LMO3: variants seen among roughly 807,000 people sequenced by gnomAD.
The protein encoded by LMO3 is LIM domain only protein 3.
Under a neutral mutation model 15.8 loss-of-function variants are expected in LMO3, and 2 were observed. That is an observed-to-expected ratio of 0.13 (90% CI 0.05 to 0.40). The LOEUF is 0.40. Among genes scored for constraint, LMO3 ranks in the 10% least tolerant of loss-of-function variants. LMO3 has a pLI of 0.99. For synonymous variants in LMO3, 62 were observed against 63.8 expected (o/e 0.97, Z 0.13); for missense variants, 86 against 182.2 (o/e 0.47, Z 3.04).
chr12:16,578,909 C>A (rs11834084), intron 2 of LMO3, among the ~76,000 whole-genome samples: 8,483 of 152,036 alleles, frequency 0.056, 796 homozygotes, highest in African/African-American at 0.19. Flanking sequence ...ATTCATGGTT[C>A]TATACTTAAC....
At chr12:16,594,165 CAAT>C in intron 2 of LMO3, 1 of 1,532,616 alleles carries the variant, frequency 6.5e-7, no homozygotes, top group South Asian at 1.2e-5. Context: ...TGGCTAAAGT[CAAT>C]GATGACAAAA....
rs1380244896 is a variant in LMO3, at chr12:16,582,246, T to A, written c.206+18409A>T. On this transcript the variant is annotated intron_variant, in intron 2 of 3. Coordinates refer to ENST00000537304, the MANE Select transcript of LMO3 (RefSeq NM_018640.5). This position sits in a 1 kb window ranked among gnomAD's most constrained non-coding sequence, Gnocchi z 4.1. ...GTACAGACTGCCATAACTATGGTGT[T>A]TCTTCCTCCAGTTTGATAATACAAT... Among the ~76,000 whole-genome samples the A allele has an allele frequency of 6.6e-6, 1 of 152,220 alleles. No homozygotes were observed. Among genetic ancestry groups the A allele is most frequent in the East Asian group, 1.9e-4 (1 of 5,194 alleles).
intron 2 of LMO3, among the ~76,000 whole-genome samples, chr12:16,572,474 C>T (rs1194849098): frequency 6.7e-6 from 1 of 148,702 alleles, no homozygotes; most frequent in Middle Eastern, 3.6e-3. Context: ...ATTGGGTCAC[C>T]TTTAGGACTT....
rs1241487359 is a variant in LMO3, at chr12:16,576,243, G to C, written c.207-15705C>G. On this transcript the variant is annotated intron_variant, in intron 2 of 3. Coordinates refer to ENST00000537304, the MANE Select transcript of LMO3 (RefSeq NM_018640.5). This position sits in a 1 kb window ranked among gnomAD's most constrained non-coding sequence, Gnocchi z 4.1. ...TATAACCTTCCATAGCTCCCCTACTGTATGCAGGATAGATGCAGGGAAGCA... is the reference window on the plus strand; with the variant it reads ...TATAACCTTCCATAGCTCCCCTACTCTATGCAGGATAGATGCAGGGAAGCA... Among the ~76,000 whole-genome samples the C allele has an allele frequency of 6.6e-6, 1 of 152,028 alleles. No homozygotes were observed. Among genetic ancestry groups the C allele is most frequent in the African/African-American group, 2.4e-5 (1 of 41,380 alleles).
chr12:16,551,433 A>G, intron 3 of LMO3, 106 bp from the exon 4 acceptor site: 1 of 688,782 alleles, frequency 1.5e-6, no homozygotes, highest in Middle Eastern at 3.0e-4. Flanking sequence ...AATTCCCTGA[A>G]TCTGAAAACC....
rs1442270754 is a variant in LMO3, at chr12:16,576,198, T to A, written c.207-15660A>T. Reference sequence around the variant, plus strand: ...GCCGGTAGCCTTTCTATAACACAGCTCCAACCCATTGATCCTGCTTATAAC... The same window carrying A: ...GCCGGTAGCCTTTCTATAACACAGCACCAACCCATTGATCCTGCTTATAAC... On this transcript the variant is annotated intron_variant, in intron 2 of 3. Transcript: ENST00000537304. This position sits in a 1 kb window ranked among gnomAD's most constrained non-coding sequence, Gnocchi z 4.1. Among the ~76,000 whole-genome samples the A allele has an allele frequency of 2.0e-5, 3 of 152,156 alleles. No homozygotes were observed. The highest frequency in any genetic ancestry group is 4.4e-5 in the Non-Finnish European group (3 of 68,032).
rs1220605450 is a variant in LMO3 at position 16,566,038 on chromosome 12, A to ATG, written c.207-5501_207-5500insCA. 6.3e-4 allele frequency among the ~76,000 whole-genome samples: 57 copies of ATG among 90,520 alleles called. 9 individuals carry two copies. The highest frequency in any genetic ancestry group is 1.7e-3 in the South Asian group (4 of 2,324). 59.4% of individuals were successfully genotyped at this position (90,520 alleles called of 152,430 possible). On this transcript the variant is annotated intron_variant, in intron 2 of 3. Transcript: ENST00000537304. Reference sequence around the variant, plus strand: ...TATATATATATATATATATATATATATAAAATGGAGTACTATTCAGCCATA... The same window carrying ATG: ...TATATATATATATATATATATATATATGTAAAATGGAGTACTATTCAGCCATA...
chr12:16,552,913 G>A (rs1055493687), intron 3 of LMO3, among the ~76,000 whole-genome samples: 12 of 151,294 alleles, frequency 7.9e-5, no homozygotes, highest in Non-Finnish European at 1.2e-4. Flanking sequence ...AGGCAGAGAG[G>A]TATACTGCAA....
At chr12:16,606,173 A>G (rs1943992734), upstream of LMO3, 1 of 231,924 alleles carries the variant, frequency 4.3e-6, no homozygotes, top group Admixed American at 5.5e-5. Flanking sequence ...GAAAAAAAAA[A>G]AAAAGACGGG....
chr12:16,577,471 T>A (rs1318323127), intron 2 of LMO3, among the ~76,000 whole-genome samples: 1 of 152,164 alleles, frequency 6.6e-6, no homozygotes, highest in African/African-American at 2.4e-5. Flanking sequence ...TTCCTAAATA[T>A]ATTATTCTAC....
chr12:16,552,770 G>A (rs1009450633), intron 3 of LMO3, among the ~76,000 whole-genome samples: 2 of 152,028 alleles, frequency 1.3e-5, no homozygotes, highest in African/African-American at 4.8e-5. Context: ...TGGATACAAT[G>A]AACATTCAAG....
intron 2 of LMO3, among the ~76,000 whole-genome samples, chr12:16,566,037 T>TAA (rs1942596973): frequency 1.2e-5 from 1 of 86,166 alleles, no homozygotes; most frequent in Non-Finnish European, 2.3e-5. Flanking sequence ...TATATATATA[T>TAA]ATAAAATGGA....
rs1394935989 is a variant in LMO3 at position 16,560,828 on chromosome 12, C to G, written c.207-290G>C. On this transcript the variant is annotated intron_variant, in intron 2 of 3. Transcript: ENST00000537304. This position sits in a 1 kb window ranked among gnomAD's most constrained non-coding sequence, Gnocchi z 5.0. ...GAAGTCAATGGGGGTGAATTCATAGCAAAAATCTCTGGGTTAGAGTATATA... is the reference window on the plus strand; with the variant it reads ...GAAGTCAATGGGGGTGAATTCATAGGAAAAATCTCTGGGTTAGAGTATATA... 4 of 425,058 alleles carry G rather than the reference C, an allele frequency of 9.4e-6. No individual in the cohort carries two copies. The highest frequency in any genetic ancestry group is 8.3e-5 in the African/African-American group (4 of 48,316). 26.3% of individuals were successfully genotyped at this position (425,058 alleles called of 1,614,324 possible).
chr12:16,577,832 C>CA, intron 2 of LMO3, among the ~76,000 whole-genome samples: 1 of 152,168 alleles, frequency 6.6e-6, no homozygotes, highest in Non-Finnish European at 1.5e-5. Flanking sequence ...AACAGGGCCA[C>CA]AGTTCTTTCT....
intron 2 of LMO3, chr12:16,600,451 A>T (rs1204132557): frequency 5.2e-6 from 3 of 574,180 alleles, no homozygotes; most frequent in Non-Finnish European, 9.3e-6. Context: ...AAATTGAAAT[A>T]CTTTAAATAT....
chr12:16,561,465 G>A (rs759672414), intron 2 of LMO3, among the ~76,000 whole-genome samples: 1 of 151,920 alleles, frequency 6.6e-6, no homozygotes, highest in African/African-American at 2.4e-5. Context: ...CCAGTGTCAG[G>A]CTGACAGGAG....
chr12:16,583,182 T>C (rs550226564), intron 2 of LMO3, among the ~76,000 whole-genome samples: 4 of 152,296 alleles, frequency 2.6e-5, no homozygotes, highest in African/African-American at 9.6e-5. Context: ...AAATGCCCAT[T>C]GGCTTTAGCA....
intron 2 of LMO3, among the ~76,000 whole-genome samples, chr12:16,563,871 T>C (rs1942490803): frequency 6.6e-6 from 1 of 152,212 alleles, no homozygotes; most frequent in African/African-American, 2.4e-5. Flanking sequence ...TTTTGCTCAT[T>C]TTAAGATGTC....
chr12:16,553,768 A>G (rs1013924672), intron 3 of LMO3, among the ~76,000 whole-genome samples: 1 of 152,040 alleles, frequency 6.6e-6, no homozygotes, highest in African/African-American at 2.4e-5. Flanking sequence ...CAATACAGAT[A>G]GTATGTATTT....
Sources: allele counts gnomAD v4.1 joint callset (sites outside exome capture counted in the v4.1 genomes callset), GRCh38; gene constraint gnomAD v4.1.1; non-coding constraint Gnocchi (gnomAD v3.1); transcripts MANE v1.5; gene names NCBI Gene and HGNC (gene_info 2026-07-23, HGNC 2026-07-21).